ARHGAP44: variants seen among roughly 807,000 people sequenced by gnomAD.
ARHGAP44 encodes the protein rho GTPase-activating protein 44.
A neutral mutation model predicts 106.8 loss-of-function variants in ARHGAP44; 43 were observed. That is an observed-to-expected ratio of 0.40 (90% confidence interval 0.32 to 0.52). The LOEUF (loss-of-function observed/expected upper bound fraction) is 0.52. ARHGAP44 is among the 20% of genes least tolerant of loss of function. The pLI, the probability that ARHGAP44 is intolerant of heterozygous loss-of-function variation, is 0.48. For missense variants in ARHGAP44, 866 were observed against 1,050.5 expected (o/e 0.82, Z 2.43); for synonymous variants, 439 against 410.3 (o/e 1.07, Z -0.85).
intron 13 of ARHGAP44, among the ~76,000 whole-genome samples, chr17:12,954,033 A>G (rs9889646): frequency 0.26 from 38,465 of 150,406 alleles, 5,534 homozygotes; most frequent in African/African-American, 0.39. Context: ...GACTATGTGC[A>G]TGCGCCACCA....
chr17:12,918,328 C>T (rs1042378497), intron 5 of ARHGAP44, among the ~76,000 whole-genome samples: 4 of 152,294 alleles, frequency 2.6e-5, no homozygotes, highest in Non-Finnish European at 5.9e-5. Flanking sequence ...GAATAGAAAG[C>T]ACTTCAGAGA....
At chr17:12,850,152 C>G (rs1343599878) in intron 1 of ARHGAP44, among the ~76,000 whole-genome samples, 1 of 152,150 alleles carries the variant, frequency 6.6e-6, no homozygotes, top group African/African-American at 2.4e-5. Context: ...CGAGGAAACT[C>G]AGAGAACATT....
At chr17:12,930,526 C>G (rs1047886166) in intron 7 of ARHGAP44, among the ~76,000 whole-genome samples, 19 of 152,192 alleles carry the variant, frequency 1.2e-4, no homozygotes, top group African/African-American at 3.6e-4. Flanking sequence ...GCGTGAGCCA[C>G]CGTGCCTGGC....
Position 12,919,793 on chromosome 17 carries a change from A to T in ARHGAP44, c.426A>T (p.Leu142Phe). The change falls in exon 6 of 21, where the codon TTA (leucine) becomes TTT (phenylalanine). Residue 142 changes from leucine to phenylalanine, a missense_variant. By Grantham distance (22) the Leu-to-Phe change is conservative. Around this residue, in one of 2 missense-constraint regions of ARHGAP44, gnomAD observed 448 missense variants for 646.9 expected, o/e 0.69. Transcript: ENST00000379672. Reference protein sequence around the residue: ...IPNIQKQRKHLAKLVLDMDSS... With the variant: ...IPNIQKQRKHFAKLVLDMDSS... ...ATATTCAAAAGCAGAGGAAACACTT[A>T]GCCAAGTTGGTGCTGGACATGGATT... The T allele has an allele frequency of 6.2e-7, 1 of 1,613,468 alleles. No individual in the cohort carries two copies. The highest frequency in any genetic ancestry group is 8.5e-7 in the Non-Finnish European group (1 of 1,179,704).
intron 1 of ARHGAP44, among the ~76,000 whole-genome samples, chr17:12,852,699 G>A (rs1375673253): frequency 1.3e-5 from 2 of 151,784 alleles, no homozygotes; most frequent in East Asian, 3.9e-4. Flanking sequence ...CTGCCACCAC[G>A]CCCGGCTAAT....
At chr17:12,792,933 C>T (rs551132114) in intron 1 of ARHGAP44, among the ~76,000 whole-genome samples, 1 of 152,212 alleles carries the variant, frequency 6.6e-6, no homozygotes, top group South Asian at 2.1e-4. Context: ...TTCAGCCCCT[C>T]CTTGGTCTGT....
At chr17:12,891,092 T>C (rs571514064) in intron 1 of ARHGAP44, among the ~76,000 whole-genome samples, 1 of 152,198 alleles carries the variant, frequency 6.6e-6, no homozygotes, top group African/African-American at 2.4e-5. Flanking sequence ...AAGTAACCTC[T>C]AAGAAGTTTT....
intron 1 of ARHGAP44, among the ~76,000 whole-genome samples, chr17:12,849,232 T>C (rs971868242): frequency 5.1e-4 from 77 of 151,746 alleles, no homozygotes; most frequent in Admixed American, 7.9e-4. Flanking sequence ...TGTGTGTGTG[T>C]GCGCACACAC....
chr17:12,901,985 A>G (rs1411188706), intron 3 of ARHGAP44, among the ~76,000 whole-genome samples: 2 of 151,738 alleles, frequency 1.3e-5, no homozygotes, highest in Non-Finnish European at 2.9e-5. Context: ...AGTGGCTCCT[A>G]TCACATCTTC....
intron 8 of ARHGAP44, among the ~76,000 whole-genome samples, chr17:12,941,344 C>T (rs1161064499): frequency 2.6e-5 from 4 of 152,072 alleles, no homozygotes; most frequent in African/African-American, 9.7e-5. Flanking sequence ...GCAACTCAGT[C>T]CACTGATTCT....
At chr17:12,839,926 G>T (rs185777159) in intron 1 of ARHGAP44, among the ~76,000 whole-genome samples, 323 of 152,224 alleles carry the variant, frequency 2.1e-3, no homozygotes, top group African/African-American at 7.4e-3. Context: ...AAAAGAGAAA[G>T]AAATAACCGC....
intron 1 of ARHGAP44, among the ~76,000 whole-genome samples, chr17:12,882,635 T>C (rs779330152): frequency 2.0e-5 from 3 of 152,190 alleles, no homozygotes; most frequent in Non-Finnish European, 4.4e-5. Context: ...TTCCCTGTTA[T>C]ATTTTTCATC....
At chr17:12,917,139 C>T (rs1205400659) in intron 5 of ARHGAP44, 2 of 154,360 alleles carry the variant, frequency 1.3e-5, no homozygotes, top group African/African-American at 4.8e-5. Context: ...TCCCCTAGAA[C>T]TCTGTATTAG....
intron 1 of ARHGAP44, among the ~76,000 whole-genome samples, chr17:12,879,149 C>A (rs1410959096): frequency 6.6e-6 from 1 of 152,122 alleles, no homozygotes; most frequent in Non-Finnish European, 1.5e-5. Flanking sequence ...CCCTTTCCCC[C>A]AAGTCCCCAA....
intron 18 of ARHGAP44, among the ~76,000 whole-genome samples, chr17:12,976,605 T>C (rs945263730): frequency 7.8e-6 from 1 of 127,434 alleles, no homozygotes; most frequent in Non-Finnish European, 1.6e-5. Context: ...AGAGCGAGAC[T>C]CTGTGTCAAA....
At chr17:12,975,029 T>C (rs2039641337) in intron 18 of ARHGAP44, among the ~76,000 whole-genome samples, 1 of 152,122 alleles carries the variant, frequency 6.6e-6, no homozygotes. Context: ...TTTGTATTTT[T>C]AGTAGAGATG....
At chr17:12,883,832 T>G (rs1279120483) in intron 1 of ARHGAP44, among the ~76,000 whole-genome samples, 2 of 152,156 alleles carry the variant, frequency 1.3e-5, no homozygotes, top group Non-Finnish European at 2.9e-5. Context: ...CTTATCCTTT[T>G]CAAATCCTCT....
chr17:12,895,017 G>C, intron 2 of ARHGAP44, 38 bp downstream of exon 2: 1 of 1,561,674 alleles, frequency 6.4e-7, no homozygotes, highest in Non-Finnish European at 8.7e-7. Flanking sequence ...AGATACCAGA[G>C]ATATATGGGA....
intron 18 of ARHGAP44, among the ~76,000 whole-genome samples, chr17:12,974,852 AT>A (rs34105454): frequency 1.2e-4 from 18 of 145,012 alleles, no homozygotes; most frequent in South Asian, 2.2e-4. Context: ...GTGTCTCTCA[AT>A]TTTTTTTTTT....
Sources: allele counts gnomAD v4.1 joint callset (sites outside exome capture counted in the v4.1 genomes callset), GRCh38; gene constraint gnomAD v4.1.1; regional missense constraint gnomAD v4.1.1; transcripts MANE v1.5; gene names NCBI Gene and HGNC (gene_info 2026-07-23, HGNC 2026-07-21).